Variants in PRPF38A observed in about 807,000 individuals in gnomAD.
The protein encoded by PRPF38A is pre-mRNA-splicing factor 38A.
Under a neutral mutation model 46.8 loss-of-function variants are expected in PRPF38A, and 11 were observed. The observed-to-expected ratio is 0.24, with a 90% CI of 0.15 to 0.39. PRPF38A has a LOEUF of 0.39. Among genes scored for constraint, PRPF38A ranks in the 10% least tolerant of loss-of-function variants. The pLI, the probability that PRPF38A is intolerant of heterozygous loss-of-function variation, is 1.00. For synonymous variants in PRPF38A, 124 were observed against 136.2 expected (o/e 0.91, Z 0.62); for missense variants, 261 against 407.5 (o/e 0.64, Z 3.10).
At chr1:52,413,773 A>G in intron 5 of PRPF38A, 106 bp from the exon 6 acceptor site, 2 of 717,862 alleles carry the variant, frequency 2.8e-6, no homozygotes, top group South Asian at 1.7e-5. Flanking sequence ...TTAAAGTCAC[A>G]TGGAGATGGA....
Position 52,406,241 on chromosome 1 carries a change from C to G in PRPF38A, c.290+402C>G, listed in dbSNP as rs905862384. Among the ~76,000 whole-genome samples, 6 of 152,278 alleles carry G rather than the reference C, an allele frequency of 3.9e-5. No homozygotes were observed. In the East Asian group the frequency reaches 7.7e-4, roughly 20 times the overall value. ...AGACTTCAGGTAATCCCCTCCCCCC[C>G]CGGGCCTCCCAGAGTGCTGGGATTA... On this transcript the variant is annotated intron_variant, in intron 2 of 9. Coordinates refer to ENST00000257181, the MANE Select transcript of PRPF38A (RefSeq NM_032864.4).
At chr1:52,406,102 T>C (rs1569971939) in intron 2 of PRPF38A, among the ~76,000 whole-genome samples, 1 of 152,122 alleles carries the variant, frequency 6.6e-6, no homozygotes, top group Admixed American at 6.5e-5. Context: ...GATTCTCCTG[T>C]CTCAGCCTCC....
chr1:52,408,877 C>T, intron 3 of PRPF38A, 187 bp downstream of exon 3: 2 of 571,106 alleles, frequency 3.5e-6, no homozygotes, highest in South Asian at 2.5e-5. Flanking sequence ...TCGTGTTGGC[C>T]TTACCCAGCC....
rs1648426700 is a variant in PRPF38A, at chr1:52,420,243, C to G, written c.*3553C>G. 1 of 151,994 alleles carries G rather than the reference C, an allele frequency of 6.6e-6. No individual in the cohort carries two copies. Among genetic ancestry groups the G allele is most frequent in the Admixed American group, 6.6e-5 (1 of 15,266 alleles). 9.4% of individuals were successfully genotyped at this position (151,994 alleles called of 1,614,324 possible). On this transcript the variant is annotated 3_prime_UTR_variant, in exon 10 of 10. Transcript: ENST00000257181. ...ATCATGAGTCTTTGGGAAAAAACCG[C>G]CCAATAATGAAATTCAACTAAAGAA...
At chr1:52,406,242 C>G (rs527603169) in intron 2 of PRPF38A, among the ~76,000 whole-genome samples, 7 of 151,978 alleles carry the variant, frequency 4.6e-5, no homozygotes, top group South Asian at 4.1e-4. Context: ...CCTCCCCCCC[C>G]GGGCCTCCCA....
intron 9 of PRPF38A, 31 bp from the exon 10 acceptor site, chr1:52,416,617 A>T: frequency 6.3e-7 from 1 of 1,589,192 alleles, no homozygotes; most frequent in Non-Finnish European, 8.6e-7. Context: ...CTGCTTCTTA[A>T]TATAATTATT....
chr1:52,405,953 A>T (rs1557590611), intron 2 of PRPF38A, 114 bp downstream of exon 2: 11 of 907,342 alleles, frequency 1.2e-5, no homozygotes, highest in Non-Finnish European at 1.7e-5. Flanking sequence ...GTTCCACTCC[A>T]GATTTTTGCT....
rs765626312 is a variant in PRPF38A, at chr1:52,414,614, T to C, written c.723-7T>C. On this transcript the variant is annotated splice_polypyrimidine_tract_variant and splice_region_variant and intron_variant, in intron 6 of 9. Transcript: ENST00000257181. Reference sequence around the variant, plus strand: ...CCTAGGCTTTCTTCTTCCTCTCCTCTTTATAGGCGGAGTCGATCTCCCAAA... The same window carrying C: ...CCTAGGCTTTCTTCTTCCTCTCCTCCTTATAGGCGGAGTCGATCTCCCAAA... 1 of 1,613,368 alleles carries C rather than the reference T, an allele frequency of 6.2e-7. No individual in the cohort carries two copies. Among genetic ancestry groups the C allele is most frequent in the Non-Finnish European group, 8.5e-7 (1 of 1,179,992 alleles).
Position 52,405,007 on chromosome 1 carries a change from A to T in PRPF38A, c.130+128A>T, listed in dbSNP as rs907559825. 7.5e-6 allele frequency: 8 copies of T among 1,071,770 alleles called. No homozygotes were observed. In the Admixed American group the frequency reaches 1.7e-4, roughly 22 times the overall value. 66.4% of individuals were successfully genotyped at this position (1,071,770 alleles called of 1,614,324 possible). On this transcript the variant is annotated intron_variant, in intron 1 of 9. Transcript: ENST00000257181. ...ACGGAGTATGTCGATCATTCAGAAA[A>T]ATTTTGAGTGCCTGCTAAGTGCCTC...
chr1:52,414,282 G>A (rs541870806), intron 6 of PRPF38A, among the ~76,000 whole-genome samples: 48 of 152,262 alleles, frequency 3.2e-4, no homozygotes, highest in African/African-American at 1.2e-3. Flanking sequence ...CCTTAGCTTG[G>A]ATGACGGGGG....
At chr1:52,416,495 G>C (rs1270098093) in intron 9 of PRPF38A, among the ~76,000 whole-genome samples, 153 bp from the exon 10 acceptor site, 1 of 152,026 alleles carries the variant, frequency 6.6e-6, no homozygotes, top group African/African-American at 2.4e-5. Context: ...TTTTAGTAGA[G>C]ACAGGGTTTC....
At position 52,418,250 on chromosome 1, in the gene PRPF38A, C is replaced by T. The variant is rs561052415; in HGVS notation, c.*1560C>T. On this transcript the variant is annotated 3_prime_UTR_variant, in exon 10 of 10. Coordinates refer to ENST00000257181, the MANE Select transcript of PRPF38A (RefSeq NM_032864.4). Reference sequence around the variant, plus strand: ...TTAATAAAAGTGGTCTGAAAGAGCTCTTACGGTTTCTGATAGAACTATATA... The same window carrying T: ...TTAATAAAAGTGGTCTGAAAGAGCTTTTACGGTTTCTGATAGAACTATATA... 6.6e-6 allele frequency: 1 copy of T among 152,554 alleles called. No homozygotes were observed. The highest frequency in any genetic ancestry group is 6.5e-5 in the Admixed American group (1 of 15,298). The allele number at this position is 152,554 out of a possible 1,614,324, so 9.5% of individuals were successfully genotyped here.
Position 52,417,991 on chromosome 1 carries a change from TAAAAA to T in PRPF38A, c.*1302_*1306del, listed in dbSNP as rs1648339107. On this transcript the variant is annotated 3_prime_UTR_variant, in exon 10 of 10. Coordinates refer to ENST00000257181, the MANE Select transcript of PRPF38A (RefSeq NM_032864.4). ...TTCCTTTACCTGTACTTAACTCCCT[TAAAAA>T]GAGAAAAGTGATGGAATGACTTCTG... 2 of 149,092 alleles carry T rather than the reference TAAAAA, an allele frequency of 1.3e-5. No homozygotes were observed. The highest frequency in any genetic ancestry group is 2.9e-5 in the Non-Finnish European group (2 of 67,962). The allele number at this position is 149,092 out of a possible 1,614,324, so 9.2% of individuals were successfully genotyped here.
In PRPF38A at chr1:52,417,413, A is replaced by G. The variant is rs1349226552; in HGVS notation, c.*723A>G. On this transcript the variant is annotated 3_prime_UTR_variant, in exon 10 of 10. Coordinates refer to ENST00000257181, the MANE Select transcript of PRPF38A (RefSeq NM_032864.4). ...AGGCCTAGTCAGTAGCAGTAGGGTA[A>G]CGGGATTGAAAAAGATTTGATGGAG... The G allele has an allele frequency of 1.3e-5, 2 of 152,218 alleles. No homozygotes were observed. Among genetic ancestry groups the G allele is most frequent in the Non-Finnish European group, 2.9e-5 (2 of 68,038 alleles). The allele number at this position is 152,218 out of a possible 1,614,324, so 9.4% of individuals were successfully genotyped here. A position where few individuals can be genotyped will look rare whatever the true frequency, so the allele number is the denominator to read the frequency against.
chr1:52,407,091 C>T (rs1233326959), intron 2 of PRPF38A, among the ~76,000 whole-genome samples: 1 of 152,220 alleles, frequency 6.6e-6, no homozygotes, highest in Non-Finnish European at 1.5e-5. Flanking sequence ...AGTCTCGGCT[C>T]ACTGCAAGCT....
intron 5 of PRPF38A, 94 bp downstream of exon 5, chr1:52,412,718 G>T: frequency 1.3e-6 from 1 of 794,594 alleles, no homozygotes; most frequent in East Asian, 2.6e-5. Context: ...TAACTCTATT[G>T]GCCGGGCGTG....
At chr1:52,407,242 C>T (rs1210320689) in intron 2 of PRPF38A, among the ~76,000 whole-genome samples, 1 of 152,238 alleles carries the variant, frequency 6.6e-6, no homozygotes, top group Non-Finnish European at 1.5e-5. Flanking sequence ...TGGTCCCGAT[C>T]TCCTGACCCG....
At position 52,420,540 on chromosome 1, in the gene PRPF38A, A is replaced by T. The variant is rs928976993; in HGVS notation, c.*3850A>T. The T allele has an allele frequency of 6.6e-6, 1 of 152,152 alleles. No homozygotes were observed. Among genetic ancestry groups the T allele is most frequent in the African/African-American group, 2.4e-5 (1 of 41,418 alleles). 9.4% of individuals were successfully genotyped at this position (152,152 alleles called of 1,614,324 possible). A position where few individuals can be genotyped will look rare whatever the true frequency, so the allele number is the denominator to read the frequency against. The stretch of plus-strand genomic sequence containing the variant: ...CCTTAATTTTAGGAGAAATCTTACA[A>T]GACTAGATTCTCTTGTGGGGAAAAA... On this transcript the variant is annotated 3_prime_UTR_variant, in exon 10 of 10. Transcript: ENST00000257181.
chr1:52,404,971 G>T (rs1037253619), intron 1 of PRPF38A, 92 bp downstream of exon 1: 2 of 1,476,688 alleles, frequency 1.4e-6, no homozygotes, highest in African/African-American at 2.8e-5. Flanking sequence ...GCCTCTGGGG[G>T]TGGTACTGGA....
Sources: allele counts gnomAD v4.1 joint callset (sites outside exome capture counted in the v4.1 genomes callset), GRCh38; gene constraint gnomAD v4.1.1; transcripts MANE v1.5; gene names NCBI Gene and HGNC (gene_info 2026-07-23, HGNC 2026-07-21).